Variants in LHFPL6 observed in about 807,000 individuals in gnomAD.
LHFPL6 encodes the protein LHFPL tetraspan subfamily member 6.
LHFPL6 carries 9 observed loss-of-function variants against 20.6 expected under a neutral mutation model. That is an observed-to-expected ratio of 0.44 (90% CI 0.26 to 0.76). LHFPL6 has a LOEUF of 0.76. Among genes scored for constraint, LHFPL6 ranks in the 30% least tolerant of loss-of-function variants. The pLI, the probability that LHFPL6 is intolerant of heterozygous loss-of-function variation, is 0.20. For missense variants in LHFPL6, 218 were observed against 253.5 expected, an observed-to-expected ratio of 0.86 and a Z score of 0.95; for synonymous variants, 105 against 98.7, an observed-to-expected ratio of 1.06 and a Z score of -0.38.
chr13:39,345,778 G>C (rs1477313002), intron 3 of LHFPL6, among the ~76,000 whole-genome samples: 1 of 152,160 alleles, frequency 6.6e-6, no homozygotes, highest in Non-Finnish European at 1.5e-5. Flanking sequence ...GCAAGGAAGT[G>C]TGAGATGTGA....
At chr13:39,572,820 A>C (rs1190150087) in intron 2 of LHFPL6, among the ~76,000 whole-genome samples, 1 of 152,218 alleles carries the variant, frequency 6.6e-6, no homozygotes, top group Non-Finnish European at 1.5e-5. Context: ...CCTAAGTGGA[A>C]GGATTCTGGA....
At chr13:39,491,722 T>C (rs1868932648) in intron 2 of LHFPL6, among the ~76,000 whole-genome samples, 1 of 152,212 alleles carries the variant, frequency 6.6e-6, no homozygotes, top group African/African-American at 2.4e-5. Context: ...ATTTCTGCAA[T>C]GTGAGCCACC....
rs560873351 is a variant in LHFPL6 at position 39,386,226 on chromosome 13, C to T, written c.386-7700G>A. Reference sequence around the variant, plus strand: ...CTAATTGATGTACACGAGTTTTGTCCATTTTCATCCCTAGATAATGGCCCC... The same window carrying T: ...CTAATTGATGTACACGAGTTTTGTCTATTTTCATCCCTAGATAATGGCCCC... On this transcript the variant is annotated intron_variant, in intron 2 of 3. Transcript: ENST00000379589. Among the ~76,000 whole-genome samples the T allele has an allele frequency of 9.2e-5, 14 of 152,246 alleles. No homozygotes were observed. In the South Asian group the frequency reaches 2.7e-3, roughly 29 times the overall value.
chr13:39,542,096 T>TATA (rs5802996), intron 2 of LHFPL6, among the ~76,000 whole-genome samples: 14,953 of 137,006 alleles, frequency 0.11, 865 homozygotes, highest in African/African-American at 0.12. Flanking sequence ...ATCTCAAAAA[T>TATA]ATAATAATAA....
At chr13:39,515,050 A>G (rs1294186982) in intron 2 of LHFPL6, among the ~76,000 whole-genome samples, 1 of 152,248 alleles carries the variant, frequency 6.6e-6, no homozygotes, top group African/African-American at 2.4e-5. Flanking sequence ...ACTGCTATTG[A>G]ACTGCGTTCA....
intron 3 of LHFPL6, among the ~76,000 whole-genome samples, chr13:39,349,302 A>G (rs7333572): frequency 0.17 from 26,441 of 152,082 alleles, 2,885 homozygotes; most frequent in East Asian, 0.35. Context: ...AAAATATACA[A>G]AAGTACATAT....
At chr13:39,476,932 T>G (rs930971038) in intron 2 of LHFPL6, among the ~76,000 whole-genome samples, 5 of 152,234 alleles carry the variant, frequency 3.3e-5, no homozygotes, top group African/African-American at 7.2e-5. Flanking sequence ...CTGCATGGTC[T>G]TTGTGTGATT....
At chr13:39,410,939 G>A (rs1871229992) in intron 2 of LHFPL6, among the ~76,000 whole-genome samples, 2 of 152,126 alleles carry the variant, frequency 1.3e-5, no homozygotes, top group Non-Finnish European at 2.9e-5. Context: ...CATATTTCAA[G>A]CAATTATTAC....
intron 3 of LHFPL6, among the ~76,000 whole-genome samples, chr13:39,347,543 C>T (rs141034669): frequency 2.6e-5 from 4 of 152,086 alleles, no homozygotes; most frequent in African/African-American, 4.8e-5. Flanking sequence ...CTAAATTTAA[C>T]GGGGTAACAG....
chr13:39,593,525 A>T (rs1367131353), intron 2 of LHFPL6, among the ~76,000 whole-genome samples: 1 of 151,900 alleles, frequency 6.6e-6, no homozygotes, highest in Admixed American at 6.6e-5. Context: ...ATATCGTGAA[A>T]ATGGCCATAC....
chr13:39,546,125 G>C lies in LHFPL6; in HGVS notation c.385+54707C>G, dbSNP rs370217653. ...TTGTAAAATGATTAGAGAATGCCTA[G>C]CCCATGGTAAGCCCCCAATAAATAA... On this transcript the variant is annotated intron_variant, in intron 2 of 3. Coordinates refer to ENST00000379589, the MANE Select transcript of LHFPL6 (RefSeq NM_005780.3). Among the ~76,000 whole-genome samples the C allele has an allele frequency of 5.0e-3, 765 of 152,180 alleles. 6 individuals carry two copies. The highest frequency in any genetic ancestry group is 0.014 in the Admixed American group (211 of 15,284).
chr13:39,352,255 C>A (rs1039663631), intron 3 of LHFPL6, among the ~76,000 whole-genome samples: 2 of 152,160 alleles, frequency 1.3e-5, no homozygotes, highest in African/African-American at 4.8e-5. Context: ...ATGTTTTTGA[C>A]CCTACCTTGA....
intron 2 of LHFPL6, among the ~76,000 whole-genome samples, chr13:39,560,550 T>C (rs1871442487): frequency 7.3e-6 from 1 of 137,410 alleles, no homozygotes; most frequent in East Asian, 2.2e-4. Flanking sequence ...CGTCTCCCTC[T>C]GTCGCCCAGG....
intron 2 of LHFPL6, among the ~76,000 whole-genome samples, chr13:39,561,201 T>C (rs1035516063): frequency 2.6e-5 from 4 of 151,938 alleles, no homozygotes; most frequent in African/African-American, 7.3e-5. Flanking sequence ...CCTCTCTGTC[T>C]CACTCTGCTT....
intron 2 of LHFPL6, among the ~76,000 whole-genome samples, chr13:39,421,272 A>G (rs2138396229): frequency 6.6e-6 from 1 of 152,322 alleles, no homozygotes; most frequent in South Asian, 2.1e-4. Context: ...AAATTCTTCA[A>G]TGATAAAAAT....
intron 2 of LHFPL6, among the ~76,000 whole-genome samples, chr13:39,397,380 C>A (rs1190946138): frequency 6.6e-6 from 1 of 152,166 alleles, no homozygotes; most frequent in East Asian, 1.9e-4. Flanking sequence ...CCAGGATCCT[C>A]ACTGCTATAA....
At chr13:39,593,451 A>G (rs541271872) in intron 2 of LHFPL6, among the ~76,000 whole-genome samples, 1 of 152,240 alleles carries the variant, frequency 6.6e-6, no homozygotes, top group South Asian at 2.1e-4. Context: ...ACCACTGCTC[A>G]ATGAAATAAA....
intron 2 of LHFPL6, among the ~76,000 whole-genome samples, chr13:39,394,724 C>T (rs1315613179): frequency 2.0e-5 from 3 of 152,100 alleles, no homozygotes; most frequent in Non-Finnish European, 4.4e-5. Context: ...CTTCACATAT[C>T]TGGAGCCATT....
chr13:39,364,938 T>C (rs1400638933), intron 3 of LHFPL6, among the ~76,000 whole-genome samples: 2 of 152,216 alleles, frequency 1.3e-5, no homozygotes, highest in African/African-American at 4.8e-5. Flanking sequence ...GTTAAGATGA[T>C]AAAGCAAACA....
Sources: gnomAD v4.1 joint callset for allele counts (sites outside exome capture counted in the v4.1 genomes callset) on GRCh38, gnomAD v4.1.1 for gene constraint, MANE v1.5 for transcripts, NCBI Gene and HGNC (gene_info 2026-07-23, HGNC 2026-07-21) for gene names.